The following DGKB variants were observed in gnomAD, a reference collection of about 807,000 sequenced individuals.
The protein encoded by DGKB is 90 kDa diacylglycerol kinase.
DGKB carries 67 observed loss-of-function variants against 114.3 expected under a neutral mutation model. That is an observed-to-expected ratio of 0.59 (90% CI 0.48 to 0.72). The LOEUF (loss-of-function observed/expected upper bound fraction) is 0.72, where lower values mean the gene tolerates loss of function less well. Among genes scored for constraint, DGKB ranks in the 30% least tolerant of loss-of-function variants. The pLI, the probability that DGKB is intolerant of heterozygous loss-of-function variation, is 0.00. For synonymous variants in DGKB, 398 were observed against 323.1 expected (o/e 1.23, Z -2.49); for missense variants, 907 against 975.2 (o/e 0.93, Z 0.93).
At chr7:14,431,641 T>C (rs1278785050) in intron 21 of DGKB, among the ~76,000 whole-genome samples, 1 of 152,172 alleles carries the variant, frequency 6.6e-6, no homozygotes, top group Non-Finnish European at 1.5e-5. Context: ...AAAAAGTACT[T>C]TTAAAATTAT....
chr7:14,585,353 T>C (rs1800581202), intron 17 of DGKB, among the ~76,000 whole-genome samples: 1 of 152,196 alleles, frequency 6.6e-6, no homozygotes, highest in South Asian at 2.1e-4. Context: ...CCTATAGCAC[T>C]GCCCTTTCTA....
chr7:14,768,775 T>C (rs1452762512), intron 2 of DGKB, among the ~76,000 whole-genome samples: 1 of 151,994 alleles, frequency 6.6e-6, no homozygotes, highest in Non-Finnish European at 1.5e-5. Flanking sequence ...ACACTGCAAG[T>C]ATGCATATTG....
intron 2 of DGKB, among the ~76,000 whole-genome samples, chr7:14,825,892 A>T (rs2128111031): frequency 6.6e-6 from 1 of 152,262 alleles, no homozygotes; most frequent in East Asian, 1.9e-4. Context: ...AACTATTAGG[A>T]GGAGGATTGA....
At chr7:14,914,007 T>C (rs984746789) in intron 1 of DGKB, among the ~76,000 whole-genome samples, 2 of 152,150 alleles carry the variant, frequency 1.3e-5, no homozygotes, top group South Asian at 4.1e-4. Flanking sequence ...CCTACTAGGT[T>C]CTCATGGTGA....
At chr7:14,563,898 G>T (rs1402273618) in intron 20 of DGKB, among the ~76,000 whole-genome samples, 1 of 152,010 alleles carries the variant, frequency 6.6e-6, no homozygotes, top group Non-Finnish European at 1.5e-5. Flanking sequence ...TAGTTTTCCT[G>T]CTCACTCTGT....
At chr7:14,640,455 T>A (rs1811553890) in intron 13 of DGKB, among the ~76,000 whole-genome samples, 1 of 152,194 alleles carries the variant, frequency 6.6e-6, no homozygotes, top group African/African-American at 2.4e-5. Flanking sequence ...AGAGCCGTAA[T>A]CTTCCAGGGT....
In DGKB at chr7:14,957,624, A is replaced by G. The variant is rs532659160; in HGVS notation, c.-188+17072T>C. 4.6e-5 allele frequency among the ~76,000 whole-genome samples: 7 copies of G among 152,172 alleles called. No homozygotes were observed. In the South Asian group the frequency reaches 1.2e-3, roughly 27 times the overall value. The stretch of plus-strand genomic sequence containing the variant: ...ATAAGTTACATATTGCCATTTATAT[A>G]CTGTATCTTGCTTTGTTAACTGTTT... On this transcript the variant is annotated intron_variant, in intron 1 of 4. Coordinates refer to the DGKB transcript ENST00000437998.
intron 25 of DGKB, among the ~76,000 whole-genome samples, chr7:14,155,592 A>G (rs1223347344): frequency 2.0e-5 from 3 of 152,058 alleles, no homozygotes; most frequent in Non-Finnish European, 2.9e-5. Context: ...TTGATCCAGA[A>G]GAGAAGTGAA....
chr7:14,344,335 T>C (rs577415036), intron 22 of DGKB, among the ~76,000 whole-genome samples: 1 of 151,722 alleles, frequency 6.6e-6, no homozygotes, highest in African/African-American at 2.4e-5. Context: ...CTGAGAGTAG[T>C]ATCATTTTTT....
intron 14 of DGKB, 47 bp from the exon 15 acceptor site, chr7:14,621,541 A>G (rs1158288836): frequency 3.5e-6 from 4 of 1,143,166 alleles, no homozygotes; most frequent in Non-Finnish European, 3.8e-6. Context: ...GGAAAATAAC[A>G]TAATAAAATG....
At chr7:14,769,577 C>T (rs1330931871) in intron 2 of DGKB, among the ~76,000 whole-genome samples, 7 of 151,706 alleles carry the variant, frequency 4.6e-5, no homozygotes, top group South Asian at 2.1e-4. Context: ...CAAAGGAAAG[C>T]GAACACTATT....
chr7:14,244,419 G>A (rs1445345582), intron 23 of DGKB, among the ~76,000 whole-genome samples: 5 of 152,064 alleles, frequency 3.3e-5, no homozygotes, highest in African/African-American at 1.2e-4. Context: ...CACTTTGGGA[G>A]GCTGAGGTGG....
At chr7:14,218,917 C>T (rs1280017799) in intron 23 of DGKB, among the ~76,000 whole-genome samples, 1 of 151,820 alleles carries the variant, frequency 6.6e-6, no homozygotes, top group African/African-American at 2.4e-5. Context: ...TCTCCAATCC[C>T]CCACCTCTCA....
intron 1 of DGKB, among the ~76,000 whole-genome samples, chr7:14,895,218 G>A (rs1781916622): frequency 2.0e-5 from 3 of 151,628 alleles, no homozygotes; most frequent in African/African-American, 7.3e-5. Context: ...TGGGAGTTAT[G>A]TTTTTGACTG....
chr7:14,758,492 A>C (rs932166326), intron 2 of DGKB, among the ~76,000 whole-genome samples: 1 of 152,142 alleles, frequency 6.6e-6, no homozygotes, highest in Non-Finnish European at 1.5e-5. Context: ...AGTTAGAAGG[A>C]AATAATAGCT....
intron 13 of DGKB, among the ~76,000 whole-genome samples, chr7:14,645,429 G>C (rs1812755443): frequency 6.6e-6 from 1 of 151,938 alleles, no homozygotes; most frequent in Non-Finnish European, 1.5e-5. Context: ...CAACAGGACA[G>C]AAAAACCCAC....
intron 13 of DGKB, among the ~76,000 whole-genome samples, chr7:14,640,160 A>C (rs1811477475): frequency 6.6e-6 from 1 of 152,336 alleles, no homozygotes; most frequent in Non-Finnish European, 1.5e-5. Context: ...GTTTAGTACT[A>C]AATTACATAA....
At chr7:14,356,525 C>A (rs1180517805) in intron 21 of DGKB, among the ~76,000 whole-genome samples, 2 of 151,860 alleles carry the variant, frequency 1.3e-5, no homozygotes, top group Admixed American at 6.6e-5. Flanking sequence ...CCACGCCCAG[C>A]TAATTTTTTG....
In DGKB at chr7:14,895,356, A is replaced by G. The variant is rs533130794; in HGVS notation, c.-188+7236T>C. Among the ~76,000 whole-genome samples the G allele has an allele frequency of 4.0e-5, 6 of 151,676 alleles. No individual in the cohort carries two copies. The East Asian group carries it at 1.2e-3, about 29-fold the overall frequency. On this transcript the variant is annotated intron_variant, in intron 1 of 25. Transcript: ENST00000402815. ...CTGCCACCTGTTATACTCACTGTCA[A>G]CAAGACAGACCAGGTCTACAATGAA... is the stretch of plus-strand genomic sequence containing the variant.
Sources: allele counts gnomAD v4.1 joint callset (sites outside exome capture counted in the v4.1 genomes callset), GRCh38; gene constraint gnomAD v4.1.1; transcripts MANE v1.5; gene names NCBI Gene and HGNC (gene_info 2026-07-23, HGNC 2026-07-21).